DOCK3: variants seen among roughly 807,000 people sequenced by gnomAD.
DOCK3 encodes dedicator of cytokinesis 3.
In DOCK3, 60 loss-of-function variants were observed where a neutral mutation model predicts 265.6. The ratio of observed to expected loss-of-function variants is 0.23; its 90% CI spans 0.18 to 0.28. The LOEUF (loss-of-function observed/expected upper bound fraction) is 0.28, where lower values mean the gene tolerates loss of function less well. Among genes scored for constraint, DOCK3 ranks in the 10% least tolerant of loss-of-function variants. The pLI is 1.00. For synonymous variants in DOCK3, 881 were observed against 938.0 expected (o/e 0.94, Z 1.11); for missense variants, 1,981 against 2,594.3 (o/e 0.76, Z 5.14).
At chr3:51,355,366 G>A (rs1012199127) in intron 41 of DOCK3, among the ~76,000 whole-genome samples, 6 of 152,148 alleles carry the variant, frequency 3.9e-5, no homozygotes, top group African/African-American at 7.2e-5. Flanking sequence ...GGTGACTTGG[G>A]GTCCTATCAG....
chr3:51,080,375 A>G (rs1368140213), intron 7 of DOCK3, among the ~76,000 whole-genome samples: 2 of 152,246 alleles, frequency 1.3e-5, no homozygotes, highest in Non-Finnish European at 2.9e-5. Flanking sequence ...TGTAGTATAA[A>G]GATAAATAAG....
At chr3:50,877,887 A>G (rs1211599313) in intron 3 of DOCK3, among the ~76,000 whole-genome samples, 1 of 152,106 alleles carries the variant, frequency 6.6e-6, no homozygotes, top group Non-Finnish European at 1.5e-5. Flanking sequence ...AGGCTGACTG[A>G]CACCAAATAC....
At chr3:50,828,418 T>G (rs914339700) in intron 2 of DOCK3, among the ~76,000 whole-genome samples, 3 of 152,204 alleles carry the variant, frequency 2.0e-5, no homozygotes, top group African/African-American at 7.2e-5. Context: ...CTTTTTTCTT[T>G]TTTTGAGACA....
chr3:51,260,242 A>G lies in DOCK3; in HGVS notation c.2271A>G (p.Arg757=). The change falls in exon 23 of 53, where the codon AGA becomes AGG. Residue 757 remains arginine (R), a synonymous_variant. Coordinates refer to ENST00000266037, the MANE Select transcript of DOCK3 (RefSeq NM_004947.5). ...GTGGAATGGAAGAGGAACAATTCAGATCCAGTATCCAAGAACTTTTCCAGT... is the reference window on the plus strand; with the variant it reads ...GTGGAATGGAAGAGGAACAATTCAGGTCCAGTATCCAAGAACTTTTCCAGT... ...ATCGMEEEQF[R]SSIQELFQSI... The G allele has an allele frequency of 6.2e-7, 1 of 1,613,884 alleles. No individual in the cohort carries two copies. Among genetic ancestry groups the G allele is most frequent in the Non-Finnish European group, 8.5e-7 (1 of 1,179,868 alleles).
At chr3:50,886,155 T>C (rs2048319820) in intron 3 of DOCK3, among the ~76,000 whole-genome samples, 1 of 150,022 alleles carries the variant, frequency 6.7e-6, no homozygotes, top group Non-Finnish European at 1.5e-5. Context: ...TGCCTTCTTC[T>C]TTCCGCCTTT....
Position 51,025,779 on chromosome 3 carries a change from C to T in DOCK3, c.316-38669C>T, listed in dbSNP as rs568886703. ...TCACACTGGAGACTGGGAATGCCTG[C>T]AAGCCCCTTCCCACTGTTGCTTCTA... On this transcript the variant is annotated intron_variant, in intron 5 of 52. Coordinates refer to ENST00000266037, the MANE Select transcript of DOCK3 (RefSeq NM_004947.5). Among the ~76,000 whole-genome samples, 7 of 152,354 alleles carry T rather than the reference C, an allele frequency of 4.6e-5. No individual in the cohort carries two copies. The South Asian group carries it at 1.2e-3, about 27-fold the overall frequency.
At chr3:51,337,486 C>G (rs930253710) in intron 35 of DOCK3, among the ~76,000 whole-genome samples, 6 of 152,174 alleles carry the variant, frequency 3.9e-5, no homozygotes, top group Non-Finnish European at 7.4e-5. Context: ...CAGCTTTTCC[C>G]CAGAGCTGCT....
chr3:50,934,428 G>T (rs1243004334), intron 5 of DOCK3, among the ~76,000 whole-genome samples: 1 of 152,154 alleles, frequency 6.6e-6, no homozygotes, highest in Non-Finnish European at 1.5e-5. Flanking sequence ...TGTGAACCCA[G>T]TGGTGGGTAT....
intron 1 of DOCK3, among the ~76,000 whole-genome samples, chr3:50,678,530 C>T (rs2107648659): frequency 6.6e-6 from 1 of 152,294 alleles, no homozygotes; most frequent in Non-Finnish European, 1.5e-5. Context: ...TGTAATTACA[C>T]TCCTTGAATA....
chr3:50,770,759 T>C (rs187463252), intron 1 of DOCK3, among the ~76,000 whole-genome samples: 26 of 152,268 alleles, frequency 1.7e-4, no homozygotes, highest in Admixed American at 1.5e-3. Context: ...TGTCTAACCC[T>C]AACCCTAACC....
intron 3 of DOCK3, among the ~76,000 whole-genome samples, chr3:50,889,069 GTGTGT>G (rs2048502713): frequency 1.0e-3 from 39 of 37,948 alleles, no homozygotes; most frequent in Non-Finnish European, 1.7e-3. Flanking sequence ...AGCCATGGGT[GTGTGT>G]GTGTGTGTGT....
At position 51,380,149 on chromosome 3, in the gene DOCK3, C is replaced by A; in HGVS notation, c.5525C>A (p.Ala1842Asp). 8 of 1,613,760 alleles carry A rather than the reference C, an allele frequency of 5.0e-6. No homozygotes were observed. The highest frequency in any genetic ancestry group is 1.1e-5 in the South Asian group (1 of 91,026). ...EKGHYSLHFD[A>D]FHHPLGDTPP... The stretch of plus-strand genomic sequence containing the variant: ...GGTCATTACTCCCTACACTTTGACG[C>A]CTTCCACCACCCTCTGGGTGATACC... The change falls in exon 52 of 53, where the codon GCC becomes GAC. Residue 1842 changes from alanine to aspartate, a missense_variant. Around this residue, in one of 4 missense-constraint regions of DOCK3, gnomAD observed 1,357 missense variants for 1,866.8 expected, o/e 0.73. Transcript: ENST00000266037.
At chr3:50,730,438 C>T (rs1055553976) in intron 1 of DOCK3, among the ~76,000 whole-genome samples, 10 of 152,192 alleles carry the variant, frequency 6.6e-5, no homozygotes, top group Admixed American at 2.0e-4. Flanking sequence ...CCGCTGTGCC[C>T]GGCTGCACAA....
At chr3:50,786,595 A>ACTGCCAC in intron 2 of DOCK3, 1 of 555,700 alleles carries the variant, frequency 1.8e-6, no homozygotes, top group Non-Finnish European at 3.4e-6. Context: ...TTCTCTGCCA[A>ACTGCCAC]CTGCCACAGA....
At chr3:51,322,883 T>G (rs1197703916) in intron 32 of DOCK3, among the ~76,000 whole-genome samples, 2 of 151,760 alleles carry the variant, frequency 1.3e-5, no homozygotes, top group African/African-American at 2.4e-5. Context: ...TCAAGACCCA[T>G]CGGTGTGCTG....
At chr3:51,124,512 A>G (rs11716837) in intron 9 of DOCK3, among the ~76,000 whole-genome samples, 7,221 of 152,266 alleles carry the variant, frequency 0.047, 269 homozygotes, top group Non-Finnish European at 0.073. Flanking sequence ...CTGATTGTGC[A>G]GGGCCATGGC....
intron 1 of DOCK3, among the ~76,000 whole-genome samples, chr3:50,776,028 G>A (rs1248588190): frequency 2.6e-5 from 4 of 152,108 alleles, no homozygotes; most frequent in Admixed American, 2.6e-4. Context: ...GCAATTGTGT[G>A]AATTGTGCTG....
At chr3:50,967,348 C>A (rs1237274379) in intron 5 of DOCK3, among the ~76,000 whole-genome samples, 1 of 152,174 alleles carries the variant, frequency 6.6e-6, no homozygotes, top group Non-Finnish European at 1.5e-5. Flanking sequence ...GCAGGACTTC[C>A]TTTTTTATGG....
At chr3:51,007,452 C>G (rs1171014054) in intron 5 of DOCK3, among the ~76,000 whole-genome samples, 1 of 152,148 alleles carries the variant, frequency 6.6e-6, no homozygotes, top group Non-Finnish European at 1.5e-5. Context: ...ATATCCTTCA[C>G]CCACTTTTTG....
Sources: allele counts gnomAD v4.1 joint callset (sites outside exome capture counted in the v4.1 genomes callset), GRCh38; gene constraint gnomAD v4.1.1; regional missense constraint gnomAD v4.1.1; transcripts MANE v1.5; gene names NCBI Gene and HGNC (gene_info 2026-07-23, HGNC 2026-07-21).